ITGA9: variants seen among roughly 807,000 people sequenced by gnomAD.
The protein encoded by ITGA9 is integrin alpha-9.
A neutral mutation model predicts 127.8 loss-of-function variants in ITGA9; 56 were observed. The observed-to-expected ratio is 0.44, with a 90% confidence interval of 0.35 to 0.55. The LOEUF is 0.55. Ranked by LOEUF, ITGA9 falls within the 20% of genes least tolerant of loss-of-function variation. ITGA9 has a pLI of 0.00. For missense variants in ITGA9, 1,196 were observed against 1,347.1 expected (o/e 0.89, Z 1.76); for synonymous variants, 508 against 514.5 (o/e 0.99, Z 0.17).
At chr3:37,508,369 A>C (rs1698866472) in intron 7 of ITGA9, among the ~76,000 whole-genome samples, 190 bp from the exon 8 acceptor site, 1 of 152,132 alleles carries the variant, frequency 6.6e-6, no homozygotes, top group Non-Finnish European at 1.5e-5. Context: ...CTGCCTCAGG[A>C]TTGAAGGACC....
intron 22 of ITGA9, chr3:37,749,701 A>T (rs531183764): frequency 6.6e-6 from 1 of 152,394 alleles, no homozygotes; most frequent in African/African-American, 2.4e-5. Flanking sequence ...AGGGAAAACA[A>T]GAGAGGCAAA....
intron 17 of ITGA9, among the ~76,000 whole-genome samples, chr3:37,682,618 C>A (rs1271264580): frequency 6.6e-6 from 1 of 152,204 alleles, no homozygotes. Flanking sequence ...CAGACTCATG[C>A]ATCCACCTGC....
At chr3:37,817,017 G>C (rs1401992232) in intron 27 of ITGA9, among the ~76,000 whole-genome samples, 4 of 152,188 alleles carry the variant, frequency 2.6e-5, no homozygotes, top group African/African-American at 9.7e-5. Flanking sequence ...CCCCTTTAGG[G>C]AAGTAGAAAG....
chr3:37,814,959 A>G lies in ITGA9; in HGVS notation c.3010-3932A>G, dbSNP rs374630655. Reference sequence around the variant, plus strand: ...TGATCTCCCATCCAAGAGATTACGCATAGGCTGTGTTAGGAACAGGACTGG... The same window carrying G: ...TGATCTCCCATCCAAGAGATTACGCGTAGGCTGTGTTAGGAACAGGACTGG... On this transcript the variant is annotated intron_variant, in intron 27 of 27. Coordinates refer to ENST00000264741, the MANE Select transcript of ITGA9 (RefSeq NM_002207.3). The surrounding 1 kb of genome is among the most constrained non-coding windows in gnomAD (Gnocchi z 4.3). 5.3e-5 allele frequency among the ~76,000 whole-genome samples: 8 copies of G among 152,226 alleles called. No individual in the cohort carries two copies. The highest frequency in any genetic ancestry group is 2.1e-4 in the South Asian group (1 of 4,830).
chr3:37,776,218 A>C (rs1696905683), intron 23 of ITGA9, among the ~76,000 whole-genome samples: 1 of 152,178 alleles, frequency 6.6e-6, no homozygotes, highest in Admixed American at 6.5e-5. Flanking sequence ...GAGTAGAAAA[A>C]ATAACTATTG....
intron 18 of ITGA9, among the ~76,000 whole-genome samples, chr3:37,707,885 C>T (rs1260667001): frequency 6.6e-6 from 1 of 152,144 alleles, no homozygotes; most frequent in Non-Finnish European, 1.5e-5. Context: ...GCAGCACAGG[C>T]TCTGCAAAGG....
chr3:37,569,802 G>A (rs1242859870), intron 15 of ITGA9, among the ~76,000 whole-genome samples: 1 of 152,214 alleles, frequency 6.6e-6, no homozygotes, highest in Non-Finnish European at 1.5e-5. Context: ...TAGGTCATGT[G>A]TAGAAGGTGT....
chr3:37,463,762 T>A (rs556113998), intron 1 of ITGA9, among the ~76,000 whole-genome samples: 1 of 152,290 alleles, frequency 6.6e-6, no homozygotes, highest in East Asian at 1.9e-4. Flanking sequence ...ATATTACTGG[T>A]GGTGAAAGCA....
chr3:37,756,004 A>G (rs946547612), intron 23 of ITGA9, among the ~76,000 whole-genome samples: 1 of 152,276 alleles, frequency 6.6e-6, no homozygotes, highest in East Asian at 1.9e-4. Flanking sequence ...ATGTATAATA[A>G]GATGGAAGTA....
intron 17 of ITGA9, among the ~76,000 whole-genome samples, chr3:37,664,154 C>T (rs1330584969): frequency 6.6e-6 from 1 of 152,156 alleles, no homozygotes; most frequent in Non-Finnish European, 1.5e-5. Flanking sequence ...TCTGTTGTCT[C>T]TGGGTTCAGC....
At chr3:37,507,481 T>C (rs1698857481) in intron 7 of ITGA9, among the ~76,000 whole-genome samples, 2 of 152,322 alleles carry the variant, frequency 1.3e-5, no homozygotes, top group African/African-American at 4.8e-5. Flanking sequence ...TCATAGTCCC[T>C]GTCAAGTCTT....
At position 37,806,815 on chromosome 3, in the gene ITGA9, C is replaced by A. The variant is rs72862223; in HGVS notation, c.3009+2873C>A. On this transcript the variant is annotated intron_variant, in intron 27 of 27. Transcript: ENST00000264741. This position sits in a 1 kb window ranked among gnomAD's most constrained non-coding sequence, Gnocchi z 4.3. ...CTGTTGAATGAGGCCACCTGGGTCA[C>A]AACAGCTTTGCTAGTCAACCCAGAG... 11,963 of 152,304 alleles carry A rather than the reference C, an allele frequency of 0.079. 1,063 individuals are homozygous for A. The highest frequency in any genetic ancestry group is 0.22 in the African/African-American group (9,041 of 41,506). 9.4% of individuals were successfully genotyped at this position (152,304 alleles called of 1,614,324 possible). A position where few individuals can be genotyped will look rare whatever the true frequency, so the allele number is the denominator to read the frequency against.
Position 37,645,460 on chromosome 3 carries a change from C to T in ITGA9, c.1840-8254C>T, listed in dbSNP as rs111874533. 9.7e-3 allele frequency among the ~76,000 whole-genome samples: 1,477 copies of T among 152,142 alleles called. 29 individuals are homozygous for T. The highest frequency in any genetic ancestry group is 0.033 in the African/African-American group (1,353 of 41,516). On this transcript the variant is annotated intron_variant, in intron 16 of 27. Coordinates refer to ENST00000264741, the MANE Select transcript of ITGA9 (RefSeq NM_002207.3). The stretch of plus-strand genomic sequence containing the variant: ...GTACGTGCCTGTAATCCTAGCTACT[C>T]AGGAGGCTGAGGCACGAGACTTGAA...
chr3:37,564,534 T>C (rs1177007059), intron 15 of ITGA9, among the ~76,000 whole-genome samples: 1 of 152,234 alleles, frequency 6.6e-6, no homozygotes, highest in African/African-American at 2.4e-5. Context: ...ACAGCCTTGA[T>C]TGATTGCTGG....
At chr3:37,535,099 C>G (rs142389039) in intron 14 of ITGA9, among the ~76,000 whole-genome samples, 1 of 152,300 alleles carries the variant, frequency 6.6e-6, no homozygotes, top group East Asian at 1.9e-4. Context: ...AAAGGGCAAA[C>G]GAGTAATAGT....
chr3:37,647,254 G>A (rs533399889), intron 16 of ITGA9, among the ~76,000 whole-genome samples: 62 of 152,212 alleles, frequency 4.1e-4, no homozygotes, highest in Admixed American at 1.9e-3. Flanking sequence ...CCATTAGGTT[G>A]GCTGAGTATT....
In ITGA9 at chr3:37,733,515, CAAAAAAAAAAAAA is replaced by C. The variant is rs58505517; in HGVS notation, c.2154+734_2154+746del. Reference sequence around the variant, plus strand: ...ATGAACAGAGTGAGACTCCGTCTCACAAAAAAAAAAAAAAAAAAAAAAAAAAAAAGTGAAAGCT... The same window carrying C: ...ATGAACAGAGTGAGACTCCGTCTCACAAAAAAAAAAAAAAAAGTGAAAGCT... On this transcript the variant is annotated intron_variant, in intron 19 of 27. Coordinates refer to ENST00000264741, the MANE Select transcript of ITGA9 (RefSeq NM_002207.3). Among the ~76,000 whole-genome samples the C allele has an allele frequency of 7.4e-3, 596 of 80,466 alleles. 5 individuals carry two copies. Among genetic ancestry groups the C allele is most frequent in the Non-Finnish European group, 0.011 (481 of 45,006 alleles). The allele number at this position is 80,466 out of a possible 152,430, so 52.8% of individuals were successfully genotyped here. A position where few individuals can be genotyped will look rare whatever the true frequency, so the allele number is the denominator to read the frequency against.
intron 23 of ITGA9, among the ~76,000 whole-genome samples, chr3:37,752,550 G>A (rs1252610133): frequency 2.0e-5 from 3 of 152,184 alleles, no homozygotes; most frequent in Admixed American, 1.3e-4. Context: ...CCCTCAAATT[G>A]TTTCTCCCTC....
intron 5 of ITGA9, among the ~76,000 whole-genome samples, chr3:37,502,934 G>T (rs936098376): frequency 6.6e-6 from 1 of 152,194 alleles, no homozygotes; most frequent in African/African-American, 2.4e-5. Flanking sequence ...ATAGGGGCCT[G>T]GCCTGTCGTG....
Sources: allele counts gnomAD v4.1 joint callset (sites outside exome capture counted in the v4.1 genomes callset), GRCh38; gene constraint gnomAD v4.1.1; non-coding constraint Gnocchi (gnomAD v3.1); transcripts MANE v1.5; gene names NCBI Gene and HGNC (gene_info 2026-07-23, HGNC 2026-07-21).